The following DCAF8 variants were observed in gnomAD, a reference collection of about 807,000 sequenced individuals.
DCAF8 encodes the protein DDB1- and CUL4-associated factor 8.
DCAF8 carries 20 observed loss-of-function variants against 68.0 expected under a neutral mutation model. The ratio of observed to expected loss-of-function variants is 0.29; its 90% confidence interval spans 0.21 to 0.43. DCAF8 has a LOEUF of 0.43. DCAF8 is among the 20% of genes least tolerant of loss of function. DCAF8 has a pLI of 1.00. For synonymous variants in DCAF8, 230 were observed against 276.9 expected, an observed-to-expected ratio of 0.83 and a Z score of 1.68; for missense variants, 460 against 771.0, an observed-to-expected ratio of 0.60 and a Z score of 4.78.
At chr1:160,221,594 CCT>C in intron 11 of DCAF8, among the ~76,000 whole-genome samples, 1 of 152,210 alleles carries the variant, frequency 6.6e-6, no homozygotes, top group Non-Finnish European at 1.5e-5. Flanking sequence ...TCTGAAAAAA[CCT>C]CATCAAGAGA....
chr1:160,244,053 G>A lies in DCAF8; in HGVS notation c.-26-19C>T. The A allele has an allele frequency of 6.2e-7, 1 of 1,603,474 alleles. No individual in the cohort carries two copies. The highest frequency in any genetic ancestry group is 2.2e-5 in the East Asian group (1 of 44,840). ...AGCCAGCCTGGGTTTGGGAGAGGAA[G>A]AAACCAAAACAATTAGGAAACCACC... On this transcript the variant is annotated intron_variant, in intron 2 of 13. Transcript: ENST00000368074.
chr1:160,253,202 G>T (rs1251458582), intron 2 of DCAF8, among the ~76,000 whole-genome samples: 1 of 152,094 alleles, frequency 6.6e-6, no homozygotes, highest in African/African-American at 2.4e-5. Flanking sequence ...GAATAAAAAG[G>T]TTTCAAGGTG....
chr1:160,224,126 A>T (rs1655388983), intron 10 of DCAF8, among the ~76,000 whole-genome samples: 2 of 152,192 alleles, frequency 1.3e-5, no homozygotes, highest in South Asian at 4.1e-4. Flanking sequence ...CTGACTAAAG[A>T]GGGCTTTCCC....
chr1:160,226,743 A>G (rs935795775), intron 7 of DCAF8, among the ~76,000 whole-genome samples: 2 of 152,178 alleles, frequency 1.3e-5, no homozygotes, highest in East Asian at 3.8e-4. Context: ...TCAACATTCA[A>G]TATTTCCACT....
In DCAF8 at chr1:160,260,662, C is replaced by T. The variant is rs1657048437; in HGVS notation, c.-27+623G>A. On this transcript the variant is annotated intron_variant, in intron 2 of 13. Transcript: ENST00000368074. ...ATGCTGCTGAATGCCCAGGATGTTT[C>T]TTCTGCTAACCAAGAATTCTTCAGA... Among the ~76,000 whole-genome samples, 4 of 152,108 alleles carry T rather than the reference C, an allele frequency of 2.6e-5. No homozygotes were observed. The South Asian group carries it at 8.3e-4, about 32-fold the overall frequency.
intron 6 of DCAF8, among the ~76,000 whole-genome samples, chr1:160,233,933 C>G (rs1162364378): frequency 6.6e-6 from 1 of 151,994 alleles, no homozygotes; most frequent in African/African-American, 2.4e-5. Flanking sequence ...AACAAATTCA[C>G]CAAATTTTGC....
intron 7 of DCAF8, among the ~76,000 whole-genome samples, chr1:160,227,288 GAA>G (rs1264149263): frequency 1.3e-5 from 2 of 152,120 alleles, no homozygotes; most frequent in African/African-American, 4.8e-5. Flanking sequence ...CAAGAGTAGA[GAA>G]AAAGACTTGA....
In DCAF8 at chr1:160,222,780, T is replaced by G. The variant is rs1400355218; in HGVS notation, c.1311A>C (p.Val437=). The change falls in exon 11 of 14, where the codon GTA becomes GTC. Residue 437 remains valine, a splice_region_variant and synonymous_variant. Transcript: ENST00000368074. The stretch of plus-strand genomic sequence containing the variant: ...TGGGGCCATAGAAATTGACGCCTTT[T>G]ACTGAAATGATAAATGAGGGAAGAA... ...RYKGHRNNAT[V]KGVNFYGPKS... 3 of 1,614,084 alleles carry G rather than the reference T, an allele frequency of 1.9e-6. No individual in the cohort carries two copies. In the African/African-American group the frequency reaches 4.0e-5, roughly 22 times the overall value.
chr1:160,234,627 CTT>C (rs1180597316), intron 6 of DCAF8, among the ~76,000 whole-genome samples: 2 of 152,238 alleles, frequency 1.3e-5, no homozygotes, highest in Non-Finnish European at 2.9e-5. Context: ...TTTCACAACT[CTT>C]TAACACAGCA....
Position 160,218,426 on chromosome 1 carries a change from G to C in DCAF8, c.1575C>G (p.Asn525Lys). 6.2e-7 allele frequency: 1 copy of C among 1,614,066 alleles called. No homozygotes were observed. Among genetic ancestry groups the C allele is most frequent in the Non-Finnish European group, 8.5e-7 (1 of 1,179,938 alleles). Residue 525 changes from asparagine (N) to lysine (K), a missense_variant, in exon 13 of 14, where the codon AAC becomes AAG. Around this residue, in one of 8 missense-constraint regions of DCAF8, gnomAD observed 80 missense variants for 115.1 expected, o/e 0.70. Transcript: ENST00000368074. ...AGCTATCTTCATCCCGCTCCCGCTTGTTCTTCTTAATCACCTGGAACCCAA... is the reference window on the plus strand; with the variant it reads ...AGCTATCTTCATCCCGCTCCCGCTTCTTCTTCTTAATCACCTGGAACCCAA... ...LTGLKDVIKK[N>K]KRERDEDSLH...
intron 3 of DCAF8, among the ~76,000 whole-genome samples, chr1:160,242,024 C>T (rs965947186): frequency 2.0e-5 from 3 of 152,116 alleles, no homozygotes; most frequent in Non-Finnish European, 1.5e-5. Flanking sequence ...GGGTGGATCA[C>T]CTAAGGTCAG....
chr1:160,237,317 C>T (rs1655931447), intron 5 of DCAF8, 88 bp from the exon 6 acceptor site: 2 of 891,642 alleles, frequency 2.2e-6, no homozygotes, highest in South Asian at 3.4e-5. Context: ...GGAAGGGCTG[C>T]ACTTAAAATG....
chr1:160,251,758 T>C (rs1489466206), intron 2 of DCAF8, among the ~76,000 whole-genome samples: 2 of 152,186 alleles, frequency 1.3e-5, no homozygotes, highest in Non-Finnish European at 2.9e-5. Flanking sequence ...CACGAGCCAC[T>C]GCACCTGGCC....
At chr1:160,232,311 AC>A (rs1012235780) in intron 6 of DCAF8, among the ~76,000 whole-genome samples, 1 of 152,018 alleles carries the variant, frequency 6.6e-6, no homozygotes, top group Non-Finnish European at 1.5e-5. Context: ...GCTCAAGATC[AC>A]CCTGGGCAAC....
chr1:160,250,464 C>CAAAAAA (rs386368471), intron 2 of DCAF8, among the ~76,000 whole-genome samples: 5 of 66,638 alleles, frequency 7.5e-5, no homozygotes, highest in Non-Finnish European at 1.1e-4. Context: ...GAAACTGTCT[C>CAAAAAA]AAAAAAAAAA....
In DCAF8 at chr1:160,261,479, T is replaced by C. The variant is rs900025336; in HGVS notation, c.-100-121A>G. On this transcript the variant is annotated intron_variant, in intron 1 of 13. Coordinates refer to ENST00000368074, the MANE Select transcript of DCAF8 (RefSeq NM_015726.4). ...AAAACTACTTAAAAGCAGAATACTT[T>C]ATCTAATTCTAATTACTGAACAAAT... is the stretch of plus-strand genomic sequence containing the variant. 1.5e-4 allele frequency: 23 copies of C among 152,370 alleles called. 1 individual carries two copies. Among genetic ancestry groups the C allele is most frequent in the African/African-American group, 5.5e-4 (23 of 41,580 alleles). 9.4% of individuals were successfully genotyped at this position (152,370 alleles called of 1,614,324 possible).
chr1:160,238,498 G>T (rs924957995), intron 5 of DCAF8, 109 bp downstream of exon 5: 2 of 1,229,210 alleles, frequency 1.6e-6, no homozygotes, highest in Non-Finnish European at 2.2e-6. Flanking sequence ...AAGAGGTGAG[G>T]CACATGACCA....
intron 4 of DCAF8, 195 bp downstream of exon 4, chr1:160,239,502 T>C (rs1280835874): frequency 6.7e-7 from 1 of 1,487,202 alleles, no homozygotes; most frequent in Non-Finnish European, 8.9e-7. Flanking sequence ...CTTCCAACAG[T>C]CCACATGCTC....
At chr1:160,258,085 G>A (rs563208372) in intron 2 of DCAF8, among the ~76,000 whole-genome samples, 11 of 152,268 alleles carry the variant, frequency 7.2e-5, no homozygotes, top group South Asian at 6.2e-4. Flanking sequence ...AGTGGCTCAC[G>A]CCTGTAATCC....
Sources: allele counts gnomAD v4.1 joint callset (sites outside exome capture counted in the v4.1 genomes callset), GRCh38; gene constraint gnomAD v4.1.1; regional missense constraint gnomAD v4.1.1; transcripts MANE v1.5; gene names NCBI Gene and HGNC (gene_info 2026-07-23, HGNC 2026-07-21).